Variants in CSMD1 observed in about 807,000 individuals in gnomAD.
The protein encoded by CSMD1 is CUB and Sushi multiple domains 1.
CSMD1 carries 213 observed loss-of-function variants against 417.5 expected under a neutral mutation model. That is an observed-to-expected ratio of 0.51 (90% confidence interval 0.46 to 0.57). CSMD1 has a LOEUF of 0.57. Among genes scored for constraint, CSMD1 ranks in the 20% least tolerant of loss-of-function variants. The probability of loss-of-function intolerance (pLI) is 0.00; values close to 1 mark genes in which losing one functional copy is unlikely to be tolerated. For synonymous variants in CSMD1, 2,862 were observed against 1,736.8 expected, an observed-to-expected ratio of 1.65 and a Z score of -16.11; for missense variants, 6,923 against 4,529.7, an observed-to-expected ratio of 1.53 and a Z score of -15.17.
intron 10 of CSMD1, among the ~76,000 whole-genome samples, chr8:3,517,116 C>T (rs1167267204): frequency 2.0e-5 from 3 of 152,160 alleles, no homozygotes; most frequent in Non-Finnish European, 4.4e-5. Context: ...GGAAGGAGGC[C>T]ATGGTGTGGC....
chr8:3,271,979 T>C (rs35630993), intron 26 of CSMD1, among the ~76,000 whole-genome samples: 1 of 151,634 alleles, frequency 6.6e-6, no homozygotes, highest in African/African-American at 2.4e-5. Context: ...CTTTGCTTTT[T>C]GTGTTTGAGA....
chr8:4,565,163 T>C (rs1027545889), intron 2 of CSMD1, among the ~76,000 whole-genome samples: 3 of 152,354 alleles, frequency 2.0e-5, no homozygotes, highest in African/African-American at 7.2e-5. Context: ...CTGATTTGAC[T>C]TTCCAATGAT....
intron 5 of CSMD1, among the ~76,000 whole-genome samples, chr8:3,931,364 C>G (rs2129651658): frequency 6.6e-6 from 1 of 150,688 alleles, no homozygotes; most frequent in South Asian, 2.1e-4. Context: ...TCCCTCATTT[C>G]TCAGGCTTCT....
chr8:3,743,547 G>C (rs1005503417), intron 6 of CSMD1, among the ~76,000 whole-genome samples: 3 of 152,118 alleles, frequency 2.0e-5, no homozygotes, highest in African/African-American at 7.2e-5. Flanking sequence ...GGGTGTGAAA[G>C]AAAATTAAAT....
chr8:4,555,131 G>C (rs1263478372), intron 2 of CSMD1, among the ~76,000 whole-genome samples: 3 of 152,186 alleles, frequency 2.0e-5, no homozygotes, highest in Non-Finnish European at 4.4e-5. Context: ...GGTTTCAATC[G>C]ATGTGAAATA....
chr8:4,311,800 T>C (rs774132970), intron 3 of CSMD1, among the ~76,000 whole-genome samples: 57 of 150,022 alleles, frequency 3.8e-4, no homozygotes, highest in East Asian at 6.0e-4. Context: ...CAACACACAC[T>C]AGGGCCTAGT....
At position 4,508,144 on chromosome 8, in the gene CSMD1, C is replaced by T. The variant is rs376251740; in HGVS notation, c.303-88079G>A. The stretch of plus-strand genomic sequence containing the variant: ...ACAGTGAAATTGCAGATGTAGGAGG[C>T]AGGGGAAGAGGTAATATTTTTTTTT... On this transcript the variant is annotated intron_variant, in intron 2 of 69. Transcript: ENST00000635120. Among the ~76,000 whole-genome samples the T allele has an allele frequency of 6.7e-5, 8 of 119,356 alleles. No homozygotes were observed. In the East Asian group the frequency reaches 2.1e-3, roughly 31 times the overall value. 78.3% of individuals were successfully genotyped at this position (119,356 alleles called of 152,430 possible). A position where few individuals can be genotyped will look rare whatever the true frequency, so the allele number is the denominator to read the frequency against.
chr8:4,814,366 C>T (rs1009222702), intron 1 of CSMD1, among the ~76,000 whole-genome samples: 2 of 152,194 alleles, frequency 1.3e-5, no homozygotes, highest in Non-Finnish European at 2.9e-5. Flanking sequence ...CTGCCTCAGT[C>T]TCCCGAGTAG....
At chr8:4,416,208 G>A (rs182693698) in intron 3 of CSMD1, among the ~76,000 whole-genome samples, 1 of 152,122 alleles carries the variant, frequency 6.6e-6, no homozygotes, top group Non-Finnish European at 1.5e-5. Flanking sequence ...ATTCAGAGCT[G>A]CTGCTTTCTA....
At chr8:3,859,083 C>T (rs1804512147) in intron 5 of CSMD1, among the ~76,000 whole-genome samples, 1 of 152,140 alleles carries the variant, frequency 6.6e-6, no homozygotes, top group Non-Finnish European at 1.5e-5. Flanking sequence ...TATTCATCTT[C>T]TCATCCATGC....
rs180857238 is a variant in CSMD1 at position 4,189,142 on chromosome 8, G to T, written c.416-157043C>A. 1.7e-3 allele frequency among the ~76,000 whole-genome samples: 259 copies of T among 152,336 alleles called. 7 individuals carry two copies. The highest frequency in any genetic ancestry group is 5.9e-5 in the Non-Finnish European group (4 of 68,038). On this transcript the variant is annotated intron_variant, in intron 3 of 69. Transcript: ENST00000635120. ...AACATGCCCTGTAAACCAAGTTTGT[G>T]AGTCATCTCTGAGTTCACAGAAGGT... is the stretch of plus-strand genomic sequence containing the variant.
At chr8:3,138,513 C>T (rs1026576236) in intron 41 of CSMD1, among the ~76,000 whole-genome samples, 3 of 152,176 alleles carry the variant, frequency 2.0e-5, no homozygotes, top group South Asian at 4.1e-4. Flanking sequence ...TGGGAATGCT[C>T]GTGACCAGCA....
At chr8:4,125,319 T>G (rs1275352231) in intron 3 of CSMD1, among the ~76,000 whole-genome samples, 1 of 152,180 alleles carries the variant, frequency 6.6e-6, no homozygotes, top group African/African-American at 2.4e-5. Flanking sequence ...AAAAGCTAAT[T>G]AGAAACTCTA....
intron 7 of CSMD1, among the ~76,000 whole-genome samples, chr8:3,624,076 T>G (rs910829583): frequency 1.3e-5 from 2 of 152,200 alleles, no homozygotes; most frequent in Non-Finnish European, 2.9e-5. Flanking sequence ...AAGAGACACT[T>G]TTGGTTAATA....
At chr8:4,102,128 A>C (rs1242591478) in intron 3 of CSMD1, among the ~76,000 whole-genome samples, 2 of 152,174 alleles carry the variant, frequency 1.3e-5, no homozygotes, top group African/African-American at 2.4e-5. Context: ...AAATATATAA[A>C]AACAAAAACA....
intron 3 of CSMD1, among the ~76,000 whole-genome samples, chr8:4,061,215 C>T (rs1798956023): frequency 6.6e-6 from 1 of 152,114 alleles, no homozygotes; most frequent in Admixed American, 6.5e-5. Flanking sequence ...GGAACCCAGC[C>T]CTGCTGATTA....
rs1208930261 is a variant in CSMD1, at chr8:4,146,593, C to CTTTTTTTTTTTTTTTTTTTTTTTTTTTTT, written c.416-114495_416-114494insAAAAAAAAAAAAAAAAAAAAAAAAAAAAA. Among the ~76,000 whole-genome samples, 6 of 90,742 alleles carry CTTTTTTTTTTTTTTTTTTTTTTTTTTTTT rather than the reference C, an allele frequency of 6.6e-5. 2 individuals carry two copies. Among genetic ancestry groups the CTTTTTTTTTTTTTTTTTTTTTTTTTTTTT allele is most frequent in the Non-Finnish European group, 1.2e-4 (6 of 51,304 alleles). 59.5% of individuals were successfully genotyped at this position (90,742 alleles called of 152,430 possible). A position where few individuals can be genotyped will look rare whatever the true frequency, so the allele number is the denominator to read the frequency against. On this transcript the variant is annotated intron_variant, in intron 3 of 69. Transcript: ENST00000635120. ...ATCTGTCTAAATGTTTATATGGACA[C>CTTTTTTTTTTTTTTTTTTTTTTTTTTTTT]ATTTTTTTTTTTTTTTTTTTTTTTT...
intron 11 of CSMD1, among the ~76,000 whole-genome samples, chr8:3,471,370 A>G (rs1023596174): frequency 2.0e-4 from 30 of 152,174 alleles, no homozygotes; most frequent in Non-Finnish European, 3.4e-4. Flanking sequence ...AGAAATTAGC[A>G]GTTTTGATTT....
chr8:4,666,648 G>T (rs921029941), intron 1 of CSMD1, among the ~76,000 whole-genome samples: 1 of 152,142 alleles, frequency 6.6e-6, no homozygotes, highest in Non-Finnish European at 1.5e-5. Context: ...CAGGAAAATA[G>T]TAAATAATCC....
Sources: allele counts gnomAD v4.1 joint callset (sites outside exome capture counted in the v4.1 genomes callset), GRCh38; gene constraint gnomAD v4.1.1; transcripts MANE v1.5; gene names NCBI Gene and HGNC (gene_info 2026-07-23, HGNC 2026-07-21).